Variants in SRSF1 observed in about 807,000 individuals in gnomAD.
SRSF1 encodes the protein serine and arginine rich splicing factor 1.
A neutral mutation model predicts 25.9 loss-of-function variants in SRSF1; 1 was observed. The ratio of observed to expected loss-of-function variants is 0.04; its 90% CI spans 0.01 to 0.18. The LOEUF is 0.18. Among genes scored for constraint, SRSF1 ranks in the 10% least tolerant of loss-of-function variants. The pLI is 1.00. For missense variants in SRSF1, 65 were observed against 350.5 expected (o/e 0.19, Z 6.50); for synonymous variants, 132 against 126.2 (o/e 1.05, Z -0.31).
chr17:58,004,838 G>A lies in SRSF1; in HGVS notation c.*568C>T. The A allele has an allele frequency of 5.0e-6, 2 of 397,938 alleles. No individual in the cohort carries two copies. Among genetic ancestry groups the A allele is most frequent in the Non-Finnish European group, 8.9e-6 (2 of 225,626 alleles). The allele number at this position is 397,938 out of a possible 1,614,324, so 24.7% of individuals were successfully genotyped here. A position where few individuals can be genotyped will look rare whatever the true frequency, so the allele number is the denominator to read the frequency against. On this transcript the variant is annotated 3_prime_UTR_variant, in exon 4 of 4. Coordinates refer to ENST00000258962, the MANE Select transcript of SRSF1 (RefSeq NM_006924.5). ...TGTTTGCAAGTGTTTTAAGGAAAAT[G>A]TATATAATCATTTTTAACCCCTGCC...
At chr17:57,993,449 AGGTGAAGGG>A in the SRSF1 span, 5 of 152,120 alleles carry the variant, frequency 3.3e-5, no homozygotes, top group Non-Finnish European at 7.3e-5. Flanking sequence ...GCATAAAAGC[AGGTGAAGGG>A]GCCTGCTGCG....
At chr17:58,006,769 G>A in intron 1 of SRSF1, 175 bp downstream of exon 1, 2 of 922,342 alleles carry the variant, frequency 2.2e-6, no homozygotes, top group Non-Finnish European at 3.2e-6. Flanking sequence ...CCAAGGCGAG[G>A]CGCCAGAGAA....
In SRSF1 at chr17:58,004,794, T is replaced by C. The variant is rs1221924913; in HGVS notation, c.*612A>G. 2 of 395,304 alleles carry C rather than the reference T, an allele frequency of 5.1e-6. No individual in the cohort carries two copies. The highest frequency in any genetic ancestry group is 2.1e-5 in the African/African-American group (1 of 48,576). 24.5% of individuals were successfully genotyped at this position (395,304 alleles called of 1,614,324 possible). On this transcript the variant is annotated 3_prime_UTR_variant, in exon 4 of 4. Transcript: ENST00000258962. Reference sequence around the variant, plus strand: ...GTTTAAAAAGCAAAGCAATTGTAGCTAAAGACAACTGAATAAAATGTTTGC... The same window carrying C: ...GTTTAAAAAGCAAAGCAATTGTAGCCAAAGACAACTGAATAAAATGTTTGC...
chr17:57,991,007 T>A, the SRSF1 span: 1 of 152,200 alleles, frequency 6.6e-6, no homozygotes, highest in South Asian at 2.1e-4. Context: ...ATATAACAGA[T>A]GTGAAATAAA....
downstream of SRSF1, among the ~76,000 whole-genome samples, chr17:57,998,797 T>C (rs1228499901): frequency 6.6e-6 from 1 of 152,248 alleles, no homozygotes; most frequent in East Asian, 1.9e-4. Context: ...AAGTCCACTT[T>C]GTCCACTTTT....
downstream of SRSF1, among the ~76,000 whole-genome samples, chr17:57,996,484 A>T (rs117414792): frequency 5.4e-3 from 23 of 4,238 alleles, no homozygotes; most frequent in South Asian, 9.1e-3. Flanking sequence ...ACACTGTCTT[A>T]AAAAAAAAAA....
chr17:58,006,576 G>C (rs772464139), intron 1 of SRSF1, 49 bp from the exon 2 acceptor site: 21 of 1,546,032 alleles, frequency 1.4e-5, no homozygotes, highest in Non-Finnish European at 1.7e-6. Flanking sequence ...AGGAGGAGAA[G>C]CTCGCTCAGT....
downstream of SRSF1, among the ~76,000 whole-genome samples, chr17:57,996,883 A>G (rs2075367449): frequency 1.3e-5 from 2 of 152,196 alleles, no homozygotes; most frequent in Admixed American, 6.5e-5. Flanking sequence ...TATACATGCT[A>G]TCTAGTCTCT....
chr17:57,997,938 G>A (rs967450701), downstream of SRSF1, among the ~76,000 whole-genome samples: 22 of 152,304 alleles, frequency 1.4e-4, 1 homozygote, highest in East Asian at 9.6e-4. Context: ...ATGTCAGCCA[G>A]GTGCGCTGGC....
intron 2 of SRSF1, 64 bp from the exon 3 acceptor site, chr17:58,006,037 G>C: frequency 2.0e-6 from 3 of 1,489,524 alleles, no homozygotes; most frequent in Non-Finnish European, 2.7e-6. Context: ...AGCTGGTAAG[G>C]TACATTAGGA....
chr17:58,005,695 T>C lies in SRSF1; in HGVS notation c.553-95A>G. 6.2e-7 allele frequency: 1 copy of C among 1,607,770 alleles called. No individual in the cohort carries two copies. The highest frequency in any genetic ancestry group is 2.2e-5 in the East Asian group (1 of 44,808). Reference sequence around the variant, plus strand: ...TACAATGTAACTAAAACCAGAAATCTGGCAATTTACTTGGACAACCTTGCC... The same window carrying C: ...TACAATGTAACTAAAACCAGAAATCCGGCAATTTACTTGGACAACCTTGCC... On this transcript the variant is annotated intron_variant, in intron 3 of 3. Transcript: ENST00000258962. This position sits in a 1 kb window ranked among gnomAD's most constrained non-coding sequence, Gnocchi z 5.2.
chr17:57,998,727 T>C (rs2075373972), downstream of SRSF1, among the ~76,000 whole-genome samples: 1 of 152,236 alleles, frequency 6.6e-6, no homozygotes, highest in East Asian at 1.9e-4. Flanking sequence ...CTACTTAGTG[T>C]TACCTTAGCA....
At position 58,003,021 on chromosome 17, in the gene SRSF1, A is replaced by G. The variant is rs926679181; in HGVS notation, c.*2385T>C. On this transcript the variant is annotated 3_prime_UTR_variant, in exon 4 of 4. Coordinates refer to ENST00000258962, the MANE Select transcript of SRSF1 (RefSeq NM_006924.5). The stretch of plus-strand genomic sequence containing the variant: ...AGCGAGACTCTGTCTCAAAAACAAA[A>G]AACAGTTCTAATACATCTGTGCTGA... Among the ~76,000 whole-genome samples, 3 of 152,194 alleles carry G rather than the reference A, an allele frequency of 2.0e-5. No individual in the cohort carries two copies. Among genetic ancestry groups the G allele is most frequent in the African/African-American group, 4.8e-5 (2 of 41,438 alleles).
chr17:57,992,668 A>G, the SRSF1 span: 133 of 152,282 alleles, frequency 8.7e-4, no homozygotes, highest in African/African-American at 3.1e-3. Flanking sequence ...AATACTGTTC[A>G]TATGCAAAAA....
the SRSF1 span, chr17:57,990,782 T>A: frequency 6.6e-6 from 1 of 152,244 alleles, no homozygotes; most frequent in Non-Finnish European, 1.5e-5. Context: ...AAATACAATG[T>A]GCCTACATCT....
chr17:58,006,623 C>T (rs1598061751), intron 1 of SRSF1, 96 bp from the exon 2 acceptor site: 2 of 1,386,992 alleles, frequency 1.4e-6, no homozygotes, highest in South Asian at 1.4e-5. Flanking sequence ...GCGCACCCAA[C>T]GTGGAAGAGC....
At chr17:58,000,805 T>C (rs2075384330), downstream of SRSF1, among the ~76,000 whole-genome samples, 2 of 152,116 alleles carry the variant, frequency 1.3e-5, no homozygotes, top group Admixed American at 1.3e-4. Context: ...ATGAGGTACA[T>C]ATATACCCTG....
chr17:58,000,497 T>A (rs918129722), downstream of SRSF1, among the ~76,000 whole-genome samples: 1 of 152,208 alleles, frequency 6.6e-6, no homozygotes, highest in Admixed American at 6.5e-5. Flanking sequence ...TGTTGTATTG[T>A]ACACTCTAGG....
At chr17:57,996,704 G>A (rs2075366829), downstream of SRSF1, among the ~76,000 whole-genome samples, 1 of 152,054 alleles carries the variant, frequency 6.6e-6, no homozygotes, top group African/African-American at 2.4e-5. Context: ...ATTTTTAATG[G>A]CAAAAGGAAT....
Sources: allele counts gnomAD v4.1 joint callset (sites outside exome capture counted in the v4.1 genomes callset), GRCh38; gene constraint gnomAD v4.1.1; non-coding constraint Gnocchi (gnomAD v3.1); transcripts MANE v1.5; gene names NCBI Gene and HGNC (gene_info 2026-07-23, HGNC 2026-07-21).